DYM: variants seen among roughly 807,000 people sequenced by gnomAD.
DYM encodes dyggve-Melchior-Clausen syndrome protein.
Under a neutral mutation model 93.1 loss-of-function variants are expected in DYM, and 78 were observed. The ratio of observed to expected loss-of-function variants is 0.84; its 90% CI spans 0.70 to 1.01. The LOEUF (loss-of-function observed/expected upper bound fraction) is 1.01. DYM is among the 50% of genes least tolerant of loss of function. The pLI, the probability that DYM is intolerant of heterozygous loss-of-function variation, is 0.00. For synonymous variants in DYM, 321 were observed against 319.7 expected, an observed-to-expected ratio of 1.00 and a Z score of -0.04; for missense variants, 789 against 845.0, an observed-to-expected ratio of 0.93 and a Z score of 0.82.
chr18:49,348,019 T>A (rs892003494), intron 6 of DYM, among the ~76,000 whole-genome samples: 32 of 152,202 alleles, frequency 2.1e-4, no homozygotes, highest in African/African-American at 7.2e-4. Flanking sequence ...AAGTTATTAA[T>A]TTCATGTGAA....
At chr18:49,428,684 A>G (rs1243165246) in intron 2 of DYM, among the ~76,000 whole-genome samples, 1 of 152,088 alleles carries the variant, frequency 6.6e-6, no homozygotes, top group Non-Finnish European at 1.5e-5. Flanking sequence ...CTCAAAAAAT[A>G]AATAAATAAA....
At chr18:49,258,292 T>G in intron 12 of DYM, 88 bp downstream of exon 12, 1 of 888,022 alleles carries the variant, frequency 1.1e-6, no homozygotes, top group South Asian at 1.4e-5. Context: ...CACGAGAATT[T>G]TAGCATCCTA....
intron 9 of DYM, among the ~76,000 whole-genome samples, chr18:49,283,857 C>T (rs371330360): frequency 3.7e-4 from 57 of 152,266 alleles, no homozygotes; most frequent in African/African-American, 1.3e-3. Flanking sequence ...GGGAATGCAC[C>T]AAAATGCCTT....
intron 6 of DYM, among the ~76,000 whole-genome samples, chr18:49,337,830 T>C (rs2063784134): frequency 6.6e-6 from 1 of 152,124 alleles, no homozygotes; most frequent in African/African-American, 2.4e-5. Flanking sequence ...AAGATGATGA[T>C]ATTTGAGCAG....
In DYM at chr18:49,044,068, A is replaced by G; in HGVS notation, c.2162T>C (p.Met721Thr). Residue 721 changes from methionine to threonine, a missense_variant, in exon 18 of 18, where the codon ATG becomes ACG. By Grantham distance (81) the Met-to-Thr change is moderately conservative. Transcript: ENST00000675505. ...WNPQDIQLFTMDSD is the reference protein window; with the variant it reads ...WNPQDIQLFTTDSD ...AGCATCCTGCCCTCAGTCGGAATCCATGGTGAACAGCTGGATGTCCTGTGG... is the reference window on the plus strand; with the variant it reads ...AGCATCCTGCCCTCAGTCGGAATCCGTGGTGAACAGCTGGATGTCCTGTGG... 1 of 1,613,698 alleles carries G rather than the reference A, an allele frequency of 6.2e-7. No homozygotes were observed. Among genetic ancestry groups the G allele is most frequent in the Non-Finnish European group, 8.5e-7 (1 of 1,180,030 alleles).
intron 16 of DYM, among the ~76,000 whole-genome samples, chr18:49,112,550 A>G (rs1390952672): frequency 1.3e-5 from 2 of 152,100 alleles, no homozygotes; most frequent in Non-Finnish European, 2.9e-5. Flanking sequence ...GCTCATTGAT[A>G]GGTTCAAGAA....
Position 49,423,462 on chromosome 18 carries a change from A to C in DYM, c.140+6793T>G, listed in dbSNP as rs964705946. Among the ~76,000 whole-genome samples the C allele has an allele frequency of 4.5e-4, 68 of 152,152 alleles. 2 individuals carry two copies. The highest frequency in any genetic ancestry group is 1.3e-4 in the Non-Finnish European group (9 of 68,004). The stretch of plus-strand genomic sequence containing the variant: ...AAGCAGGAAAGATCTAAAATTGACA[A>C]CCTAATGTCACAATTAAAAGAACTA... On this transcript the variant is annotated intron_variant, in intron 2 of 17. Coordinates refer to ENST00000675505, the MANE Select transcript of DYM (RefSeq NM_001353214.3).
intron 2 of DYM, among the ~76,000 whole-genome samples, chr18:49,423,895 G>A (rs1267987427): frequency 1.3e-5 from 2 of 152,122 alleles, no homozygotes; most frequent in Non-Finnish European, 2.9e-5. Flanking sequence ...TGAAATTGAG[G>A]CAATAATTAA....
At chr18:49,453,693 A>C (rs1351438515) in intron 1 of DYM, among the ~76,000 whole-genome samples, 2 of 152,172 alleles carry the variant, frequency 1.3e-5, no homozygotes, top group African/African-American at 4.8e-5. Flanking sequence ...TTGTTGTAGA[A>C]TTTGCTTAAT....
At chr18:49,080,853 C>A (rs1312217449) in intron 17 of DYM, among the ~76,000 whole-genome samples, 2 of 147,212 alleles carry the variant, frequency 1.4e-5, no homozygotes. Context: ...CGCTCCTCAC[C>A]TCCCAGACGG....
chr18:49,443,770 C>T (rs78252847), intron 1 of DYM, among the ~76,000 whole-genome samples: 1 of 152,138 alleles, frequency 6.6e-6, no homozygotes, highest in Non-Finnish European at 1.5e-5. Context: ...GGGCTGCAAC[C>T]GAAGTAAATT....
chr18:49,112,276 C>G (rs2145871477), intron 16 of DYM, among the ~76,000 whole-genome samples: 1 of 152,296 alleles, frequency 6.6e-6, no homozygotes, highest in South Asian at 2.1e-4. Flanking sequence ...TGCCCCCAGT[C>G]TCAGTGGAAA....
At chr18:49,314,706 A>G (rs1318445558) in intron 8 of DYM, among the ~76,000 whole-genome samples, 1 of 152,226 alleles carries the variant, frequency 6.6e-6, no homozygotes, top group African/African-American at 2.4e-5. Context: ...TTTATGCAAA[A>G]TAAGAGTAAA....
chr18:49,181,310 G>GA (rs2089906135), intron 14 of DYM, among the ~76,000 whole-genome samples: 1 of 152,022 alleles, frequency 6.6e-6, no homozygotes, highest in Non-Finnish European at 1.5e-5. Context: ...ATATGCCAAT[G>GA]AAAAAATCTT....
chr18:49,293,036 C>G (rs145138048), intron 8 of DYM, among the ~76,000 whole-genome samples: 1 of 152,134 alleles, frequency 6.6e-6, no homozygotes, highest in African/African-American at 2.4e-5. Context: ...TCCATGTGTT[C>G]TCATTGCTCA....
intron 16 of DYM, among the ~76,000 whole-genome samples, chr18:49,103,027 C>T (rs1489581089): frequency 6.6e-6 from 1 of 152,190 alleles, no homozygotes; most frequent in Non-Finnish European, 1.5e-5. Context: ...TTTACAGTCC[C>T]ACCAACAGTG....
At chr18:49,107,472 G>A (rs1180477458) in intron 16 of DYM, among the ~76,000 whole-genome samples, 1 of 152,198 alleles carries the variant, frequency 6.6e-6, no homozygotes, top group African/African-American at 2.4e-5. Flanking sequence ...TTTGGAGGAG[G>A]AGAGGCACTC....
At chr18:49,251,946 G>T (rs2094297102) in intron 13 of DYM, among the ~76,000 whole-genome samples, 1 of 151,970 alleles carries the variant, frequency 6.6e-6, no homozygotes, top group African/African-American at 2.4e-5. Context: ...TTGCACAGTG[G>T]CTCACACCTG....
At chr18:49,341,707 T>C (rs543413817) in intron 6 of DYM, among the ~76,000 whole-genome samples, 126 of 152,214 alleles carry the variant, frequency 8.3e-4, no homozygotes, top group African/African-American at 2.7e-3. Context: ...TTCAAAAATA[T>C]AAATTAAAAA....
Sources: allele counts gnomAD v4.1 joint callset (sites outside exome capture counted in the v4.1 genomes callset), GRCh38; gene constraint gnomAD v4.1.1; transcripts MANE v1.5; gene names NCBI Gene and HGNC (gene_info 2026-07-23, HGNC 2026-07-21).